COL21A1: variants seen among roughly 807,000 people sequenced by gnomAD.
COL21A1 encodes collagen alpha-1(XXI) chain.
Under a neutral mutation model 137.9 loss-of-function variants are expected in COL21A1, and 149 were observed. The ratio of observed to expected loss-of-function variants is 1.08; its 90% CI spans 0.95 to 1.24. The LOEUF (loss-of-function observed/expected upper bound fraction) is 1.24, where lower values mean the gene tolerates loss of function less well. Ranked by LOEUF, COL21A1 falls within the 50% of genes most tolerant of loss-of-function variation. The pLI is 0.00. For missense variants in COL21A1, 1,167 were observed against 1,158.4 expected (o/e 1.01, Z -0.11); for synonymous variants, 456 against 391.5 (o/e 1.16, Z -1.95).
At chr6:56,147,074 G>T (rs2152244178) in intron 10 of COL21A1, among the ~76,000 whole-genome samples, 1 of 152,148 alleles carries the variant, frequency 6.6e-6, no homozygotes, top group Non-Finnish European at 1.5e-5. Context: ...CCTGAATTAG[G>T]TTACACTTAA....
At position 56,247,545 on chromosome 6, in the gene COL21A1, C is replaced by G. The variant is rs2745367; in HGVS notation, c.-197G>C. 70,897 of 152,284 alleles carry G rather than the reference C, an allele frequency of 0.47. 18,101 individuals carry two copies. Among genetic ancestry groups the G allele is most frequent in the African/African-American group, 0.66 (27,534 of 41,502 alleles). The allele number at this position is 152,284 out of a possible 1,614,324, so 9.4% of individuals were successfully genotyped here. On this transcript the variant is annotated 5_prime_UTR_variant, in exon 1 of 30. Transcript: ENST00000244728. ...CCGGAGTCCGTTCTCCCTGCAGCGGCCAGTGCAGAGCTCAGAGGCTCAGAA... is the reference window on the plus strand; with the variant it reads ...CCGGAGTCCGTTCTCCCTGCAGCGGGCAGTGCAGAGCTCAGAGGCTCAGAA...
chr6:56,367,200 G>A (rs1766120852), intron 1 of COL21A1, among the ~76,000 whole-genome samples: 1 of 152,124 alleles, frequency 6.6e-6, no homozygotes, highest in African/African-American at 2.4e-5. Flanking sequence ...TAATATATGG[G>A]AAATCACTTT....
chr6:56,254,327 C>T (rs572886243), intron 1 of COL21A1, among the ~76,000 whole-genome samples: 5 of 152,134 alleles, frequency 3.3e-5, no homozygotes, highest in East Asian at 3.9e-4. Flanking sequence ...GTGTTGAAAT[C>T]GTTTATATAC....
At chr6:56,353,484 CA>C (rs1460400310) in intron 1 of COL21A1, among the ~76,000 whole-genome samples, 18 of 152,132 alleles carry the variant, frequency 1.2e-4, no homozygotes, top group Non-Finnish European at 1.6e-4. Flanking sequence ...GACCCAGTCC[CA>C]GACATTCCTA....
intron 1 of COL21A1, among the ~76,000 whole-genome samples, chr6:56,321,534 C>T (rs1318656857): frequency 2.0e-5 from 3 of 152,050 alleles, no homozygotes; most frequent in Non-Finnish European, 4.4e-5. Context: ...ATGTTTATTG[C>T]AGACCATGTA....
chr6:56,118,071 AAAT>A (rs1338052235), intron 16 of COL21A1, among the ~76,000 whole-genome samples: 2 of 152,002 alleles, frequency 1.3e-5, no homozygotes, highest in Non-Finnish European at 2.9e-5. Flanking sequence ...AGAAGAAAAG[AAAT>A]AATAAAGATC....
chr6:56,148,012 C>T (rs1368636746), intron 10 of COL21A1, among the ~76,000 whole-genome samples: 1 of 152,094 alleles, frequency 6.6e-6, no homozygotes, highest in African/African-American at 2.4e-5. Context: ...TAAATGCTCC[C>T]AGTTATGCTC....
intron 1 of COL21A1, among the ~76,000 whole-genome samples, chr6:56,309,985 T>C (rs1764570281): frequency 6.6e-6 from 1 of 152,142 alleles, no homozygotes; most frequent in African/African-American, 2.4e-5. Flanking sequence ...AATTCAGTGG[T>C]GAATTTTTCC....
At chr6:56,314,584 G>C (rs1008083683) in intron 1 of COL21A1, among the ~76,000 whole-genome samples, 2 of 152,102 alleles carry the variant, frequency 1.3e-5, no homozygotes, top group African/African-American at 4.8e-5. Context: ...CAACTTCAAA[G>C]TGATTGGGTT....
intron 17 of COL21A1, among the ~76,000 whole-genome samples, chr6:56,080,332 G>A (rs1039844458): frequency 6.6e-6 from 1 of 151,732 alleles, no homozygotes; most frequent in African/African-American, 2.4e-5. Context: ...TTGAGGAAGA[G>A]CAGAAAGTCA....
intron 9 of COL21A1, among the ~76,000 whole-genome samples, chr6:56,161,514 AT>A (rs1457829657): frequency 1.3e-5 from 2 of 152,146 alleles, no homozygotes; most frequent in African/African-American, 4.8e-5. Context: ...CAATTTCACA[AT>A]TCCTTTAACA....
chr6:56,183,393 C>A (rs556377029), intron 1 of COL21A1, among the ~76,000 whole-genome samples: 1 of 152,160 alleles, frequency 6.6e-6, no homozygotes, highest in Non-Finnish European at 1.5e-5. Context: ...TAATCTCTGG[C>A]AGAAAGGGAA....
At position 56,285,316 on chromosome 6, in the gene COL21A1, C is replaced by T. The variant is rs539710104; in HGVS notation, c.-38-102660G>A. On this transcript the variant is annotated intron_variant, in intron 1 of 28. Transcript: ENST00000370819. ...AGCATTTCATCAATATCTTAAATAG[C>T]TTTTTCTTAAAGAGCAATCAGTTAG... is the stretch of plus-strand genomic sequence containing the variant. 3.9e-5 allele frequency among the ~76,000 whole-genome samples: 6 copies of T among 152,258 alleles called. No individual in the cohort carries two copies. In the East Asian group the frequency reaches 1.2e-3, roughly 29 times the overall value.
chr6:56,220,734 A>C, intron 1 of COL21A1, among the ~76,000 whole-genome samples: 1 of 152,136 alleles, frequency 6.6e-6, no homozygotes, highest in South Asian at 2.1e-4. Flanking sequence ...ACTTTGAAAA[A>C]TAGCTGACTT....
chr6:56,135,245 C>T (rs1161210631), intron 12 of COL21A1, among the ~76,000 whole-genome samples: 1 of 151,870 alleles, frequency 6.6e-6, no homozygotes, highest in Non-Finnish European at 1.5e-5. Flanking sequence ...CAAACAACAA[C>T]TTATGAAATG....
intron 1 of COL21A1, among the ~76,000 whole-genome samples, chr6:56,343,317 G>A (rs933155667): frequency 5.9e-5 from 9 of 152,128 alleles, no homozygotes; most frequent in African/African-American, 2.2e-4. Context: ...GTTTACCTGA[G>A]CAAGGTAAGG....
intron 1 of COL21A1, among the ~76,000 whole-genome samples, chr6:56,210,853 A>G (rs756622900): frequency 1.3e-5 from 2 of 152,074 alleles, no homozygotes; most frequent in Non-Finnish European, 2.9e-5. Context: ...AGGGTAAGGA[A>G]ACTTAAGAGG....
intron 2 of COL21A1, 46 bp from the exon 3 acceptor site, chr6:56,180,175 G>C (rs1181833694): frequency 6.9e-7 from 1 of 1,440,222 alleles, no homozygotes; most frequent in South Asian, 1.4e-5. Context: ...TATATAAAAA[G>C]CAAAAAGGGA....
intron 16 of COL21A1, among the ~76,000 whole-genome samples, chr6:56,121,427 G>A (rs902510208): frequency 2.0e-5 from 3 of 150,430 alleles, no homozygotes; most frequent in African/African-American, 7.3e-5. Context: ...TTTTAAGGGA[G>A]TGAAACTATT....
Sources: gnomAD v4.1 joint callset for allele counts (sites outside exome capture counted in the v4.1 genomes callset) on GRCh38, gnomAD v4.1.1 for gene constraint, MANE v1.5 for transcripts, NCBI Gene and HGNC (gene_info 2026-07-23, HGNC 2026-07-21) for gene names.